Variants in FREM2 observed in about 807,000 individuals in gnomAD.
The protein encoded by FREM2 is FRAS1 related extracellular matrix 2.
FREM2 carries 119 observed loss-of-function variants against 219.9 expected under a neutral mutation model. The ratio of observed to expected loss-of-function variants is 0.54; its 90% CI spans 0.47 to 0.63. The LOEUF (loss-of-function observed/expected upper bound fraction) is 0.63. Among genes scored for constraint, FREM2 ranks in the 30% least tolerant of loss-of-function variants. The pLI is 0.00. For missense variants in FREM2, 4,030 were observed against 3,993.6 expected (o/e 1.01, Z -0.25); for synonymous variants, 1,562 against 1,522.8 (o/e 1.03, Z -0.60).
At chr13:38,761,731 A>G (rs567518092) in intron 2 of FREM2, among the ~76,000 whole-genome samples, 1 of 152,214 alleles carries the variant, frequency 6.6e-6, no homozygotes, top group South Asian at 2.1e-4. Context: ...CAGGAGGGGG[A>G]TAGAGCAGCA....
chr13:38,772,811 C>G (rs777920924), intron 4 of FREM2, among the ~76,000 whole-genome samples: 4 of 151,824 alleles, frequency 2.6e-5, no homozygotes, highest in Admixed American at 6.6e-5. Flanking sequence ...ATTCTCCTGT[C>G]TCATCCTCCT....
At chr13:38,764,497 A>C in intron 3 of FREM2, 47 bp downstream of exon 3, 1 of 1,145,172 alleles carries the variant, frequency 8.7e-7, no homozygotes, top group African/African-American at 1.6e-5. Flanking sequence ...TTTTTCTAGC[A>C]AAGGTTTATA....
Position 38,884,685 on chromosome 13 carries a change from C to T in FREM2, c.*3898C>T, listed in dbSNP as rs1393058591. 4 of 152,048 alleles carry T rather than the reference C, an allele frequency of 2.6e-5. No individual in the cohort carries two copies. The highest frequency in any genetic ancestry group is 5.9e-5 in the Non-Finnish European group (4 of 68,006). The allele number at this position is 152,048 out of a possible 1,614,324, so 9.4% of individuals were successfully genotyped here. On this transcript the variant is annotated 3_prime_UTR_variant, in exon 24 of 24. Transcript: ENST00000280481. The stretch of plus-strand genomic sequence containing the variant: ...CTAAGCGTATGGCCAATAAATGGGA[C>T]CCAAACGTTCAATCTGTTCAGTTTA...
At chr13:38,697,003 T>C (rs1478273912) in intron 1 of FREM2, among the ~76,000 whole-genome samples, 1 of 151,946 alleles carries the variant, frequency 6.6e-6, no homozygotes, top group African/African-American at 2.4e-5. Flanking sequence ...TTTCACCATG[T>C]TGGCCAGGCT....
chr13:38,829,778 T>A (rs959695372), intron 6 of FREM2, among the ~76,000 whole-genome samples: 3 of 151,944 alleles, frequency 2.0e-5, no homozygotes. Context: ...ATAGATAGTG[T>A]CTGGAAACTG....
intron 6 of FREM2, among the ~76,000 whole-genome samples, chr13:38,798,719 A>G (rs9548458): frequency 0.61 from 93,019 of 151,836 alleles, 29,938 homozygotes; most frequent in Non-Finnish European, 0.71. Flanking sequence ...TCAGGAATTT[A>G]TCCATTTCCT....
intron 6 of FREM2, among the ~76,000 whole-genome samples, chr13:38,843,605 C>A (rs1019954383): frequency 6.6e-6 from 1 of 152,148 alleles, no homozygotes; most frequent in Non-Finnish European, 1.5e-5. Flanking sequence ...CTTTAGTACT[C>A]ATTAAAATGT....
intron 6 of FREM2, among the ~76,000 whole-genome samples, chr13:38,824,992 C>T (rs12867320): frequency 0.39 from 59,467 of 151,456 alleles, 13,477 homozygotes; most frequent in Non-Finnish European, 0.51. Context: ...AGGGGGGCGG[C>T]GGGCTAGATC....
intron 16 of FREM2, among the ~76,000 whole-genome samples, chr13:38,865,197 G>T (rs1413471027): frequency 6.6e-6 from 1 of 151,800 alleles, no homozygotes; most frequent in Non-Finnish European, 1.5e-5. Flanking sequence ...AAAACTTATT[G>T]TTATTTGCAC....
At chr13:38,744,918 A>T (rs951620418) in intron 2 of FREM2, among the ~76,000 whole-genome samples, 3 of 152,250 alleles carry the variant, frequency 2.0e-5, no homozygotes, top group East Asian at 3.8e-4. Context: ...GCAATAACAA[A>T]TAATTGAATC....
chr13:38,780,654 A>G (rs1874083056), intron 4 of FREM2, among the ~76,000 whole-genome samples: 1 of 152,274 alleles, frequency 6.6e-6, no homozygotes, highest in Non-Finnish European at 1.5e-5. Context: ...TTAAAATACA[A>G]CTCTGCAGCA....
At chr13:38,739,188 A>T (rs9805319) in intron 2 of FREM2, among the ~76,000 whole-genome samples, 30 of 152,286 alleles carry the variant, frequency 2.0e-4, no homozygotes, top group African/African-American at 7.0e-4. Context: ...CATCATCATC[A>T]CTATTTTGTT....
Position 38,754,704 on chromosome 13 carries a change from G to A in FREM2, c.5264-9600G>A, listed in dbSNP as rs573322034. ...CTCCTCTGCAGGCATTTTCAGAGTC[G>A]CCAAGGCTGAGCTGAATTCAGCCAG... On this transcript the variant is annotated intron_variant, in intron 2 of 23. Coordinates refer to ENST00000280481, the MANE Select transcript of FREM2 (RefSeq NM_207361.6). Among the ~76,000 whole-genome samples, 30 of 152,106 alleles carry A rather than the reference G, an allele frequency of 2.0e-4. No homozygotes were observed. In the East Asian group the frequency reaches 3.9e-3, roughly 20 times the overall value.
chr13:38,879,844 C>T (rs1266660952), intron 23 of FREM2, among the ~76,000 whole-genome samples: 1 of 152,092 alleles, frequency 6.6e-6, no homozygotes. Flanking sequence ...ATTTTTTCCC[C>T]CTATGGTCTT....
At position 38,861,531 on chromosome 13, in the gene FREM2, C is replaced by T. The variant is rs912636366; in HGVS notation, c.7620C>T (p.Ile2540=). ...GPEDADYTNL[I]KLTVTMPHID... is the part of the protein sequence containing the mutation. The stretch of plus-strand genomic sequence containing the variant: ...AGGATGCAGACTACACAAACCTTAT[C>T]AAGCTCACTGTCACAATGCCACACA... The change falls in exon 15 of 24, where the codon ATC becomes ATT. Residue 2540 remains isoleucine, a synonymous_variant. Coordinates refer to ENST00000280481, the MANE Select transcript of FREM2 (RefSeq NM_207361.6). 6.2e-7 allele frequency: 1 copy of T among 1,609,834 alleles called. No individual in the cohort carries two copies. Among genetic ancestry groups the T allele is most frequent in the Non-Finnish European group, 8.5e-7 (1 of 1,177,512 alleles).
intron 2 of FREM2, among the ~76,000 whole-genome samples, chr13:38,718,813 A>G (rs773185654): frequency 3.9e-5 from 6 of 152,234 alleles, no homozygotes; most frequent in Non-Finnish European, 7.3e-5. Flanking sequence ...GGGCAGAGAT[A>G]GGAAACAGCA....
intron 4 of FREM2, among the ~76,000 whole-genome samples, chr13:38,771,945 T>C (rs1260696426): frequency 1.3e-5 from 2 of 152,206 alleles, no homozygotes; most frequent in African/African-American, 4.8e-5. Flanking sequence ...TATTCTTACT[T>C]CTAACATCAT....
chr13:38,807,225 A>ATATATATATATATATATATG (rs1208111391), intron 6 of FREM2, among the ~76,000 whole-genome samples: 1 of 125,236 alleles, frequency 8.0e-6, no homozygotes, highest in Non-Finnish European at 1.7e-5. Flanking sequence ...ATATATATAT[A>ATATATATATATATATATATG]TATGTATGGT....
chr13:38,709,693 C>A (rs1187581400), intron 2 of FREM2, among the ~76,000 whole-genome samples: 1 of 151,988 alleles, frequency 6.6e-6, no homozygotes, highest in Admixed American at 6.6e-5. Context: ...TTTATTTTGA[C>A]GTCATCTTTT....
Sources: allele counts gnomAD v4.1 joint callset (sites outside exome capture counted in the v4.1 genomes callset), GRCh38; gene constraint gnomAD v4.1.1; transcripts MANE v1.5; gene names NCBI Gene and HGNC (gene_info 2026-07-23, HGNC 2026-07-21).